OPTN: variants seen among roughly 807,000 people sequenced by gnomAD.
OPTN encodes the protein E3-14.7K-interacting protein.
In OPTN, 54 loss-of-function variants were observed where a neutral mutation model predicts 70.4. The observed-to-expected ratio is 0.77, with a 90% CI of 0.62 to 0.96. OPTN has a LOEUF of 0.96. OPTN is among the 40% of genes least tolerant of loss of function. OPTN has a pLI of 0.00. For missense variants in OPTN, 624 were observed against 673.2 expected (o/e 0.93, Z 0.81); for synonymous variants, 256 against 248.5 (o/e 1.03, Z -0.28).
intron 11 of OPTN, among the ~76,000 whole-genome samples, chr10:13,127,371 A>T (rs1177379807): frequency 6.6e-6 from 1 of 152,240 alleles, no homozygotes; most frequent in Non-Finnish European, 1.5e-5. Flanking sequence ...GTGGCAAAAT[A>T]ACAGTATCAA....
At chr10:13,113,414 T>C (rs1307448346) in intron 5 of OPTN, among the ~76,000 whole-genome samples, 1 of 152,224 alleles carries the variant, frequency 6.6e-6, no homozygotes, top group Non-Finnish European at 1.5e-5. Flanking sequence ...AGAACTGCTC[T>C]GGTTGTAGGT....
At chr10:13,117,603 G>A (rs575416353) in intron 6 of OPTN, among the ~76,000 whole-genome samples, 178 of 151,904 alleles carry the variant, frequency 1.2e-3, no homozygotes, top group Admixed American at 3.1e-3. Context: ...CCGCCACCAC[G>A]CCCAGCTAAC....
Position 13,135,323 on chromosome 10 carries a change from T to C in OPTN, c.1613-1422T>C, listed in dbSNP as rs575180273. On this transcript the variant is annotated intron_variant, in intron 14 of 14. Transcript: ENST00000378747. Reference sequence around the variant, plus strand: ...AGGGCTTATTTCGAACATGCTCTGATTGAGGCTTGAACCTCAGTACTACTC... The same window carrying C: ...AGGGCTTATTTCGAACATGCTCTGACTGAGGCTTGAACCTCAGTACTACTC... 3.3e-5 allele frequency among the ~76,000 whole-genome samples: 5 copies of C among 152,248 alleles called. No individual in the cohort carries two copies. The South Asian group carries it at 6.2e-4, about 19-fold the overall frequency.
In OPTN at chr10:13,126,902, C is replaced by T. The variant is rs969868588; in HGVS notation, c.1243-843C>T. Among the ~76,000 whole-genome samples the T allele has an allele frequency of 7.9e-5, 12 of 152,172 alleles. No homozygotes were observed. In the South Asian group the frequency reaches 1.0e-3, roughly 13 times the overall value. ...TAACCAAGTGTGATGTTCGTGCCTG[C>T]GGTCCCAGCTCCTTGGGAGGCTGAG... is the stretch of plus-strand genomic sequence containing the variant. On this transcript the variant is annotated intron_variant, in intron 11 of 14. Coordinates refer to ENST00000378747, the MANE Select transcript of OPTN (RefSeq NM_001008212.2).
At chr10:13,103,224 ATGT>A (rs1432290311) in intron 1 of OPTN, among the ~76,000 whole-genome samples, 1 of 152,158 alleles carries the variant, frequency 6.6e-6, no homozygotes, top group Admixed American at 6.5e-5. Flanking sequence ...AGTCAATGCA[ATGT>A]TAGAATCTTA....
Position 13,114,784 on chromosome 10 carries a change from AAT to A in OPTN, c.553-1482_553-1481del, listed in dbSNP as rs1564358674. On this transcript the variant is annotated intron_variant, in intron 5 of 14. Coordinates refer to ENST00000378747, the MANE Select transcript of OPTN (RefSeq NM_001008212.2). ...TGCATATATAATTATATAATTATAT[AAT>A]TATATAATTATATATACATATATAT... Among the ~76,000 whole-genome samples the A allele has an allele frequency of 2.0e-3, 213 of 104,654 alleles. 3 individuals are homozygous for A. Among genetic ancestry groups the A allele is most frequent in the African/African-American group, 7.6e-3 (202 of 26,686 alleles). 68.7% of individuals were successfully genotyped at this position (104,654 alleles called of 152,430 possible).
chr10:13,125,312 T>C (rs1833434403), intron 9 of OPTN, 106 bp from the exon 10 acceptor site: 1 of 1,242,568 alleles, frequency 8.0e-7, no homozygotes, highest in Admixed American at 1.8e-5. Context: ...TCATAAACCC[T>C]ACAGCCCTAA....
At position 13,112,598 on chromosome 10, in the gene OPTN, G is replaced by A; in HGVS notation, c.515G>A (p.Gly172Asp). ...CTGCAGCTCAAGCTGAACTCCAGCG[G>A]CTCCTCAGAAGATTCCTTTGTTGAA... ...SELQLKLNSSGSSEDSFVEIR... is the reference protein window; with the variant it reads ...SELQLKLNSSDSSEDSFVEIR... Residue 172 changes from glycine to aspartate, a missense_variant, in exon 5 of 15, where the codon GGC (glycine) becomes GAC (aspartate). Physicochemically the swap from Gly to Asp is moderately conservative, Grantham distance 94 (BLOSUM62 -1). Coordinates refer to ENST00000378747, the MANE Select transcript of OPTN (RefSeq NM_001008212.2). 1 of 1,614,158 alleles carries A rather than the reference G, an allele frequency of 6.2e-7. No individual in the cohort carries two copies. The highest frequency in any genetic ancestry group is 8.5e-7 in the Non-Finnish European group (1 of 1,180,026).
chr10:13,112,860 C>CT (rs879481828), intron 5 of OPTN, among the ~76,000 whole-genome samples: 34 of 146,344 alleles, frequency 2.3e-4, no homozygotes, highest in South Asian at 1.3e-3. Flanking sequence ...AAGCTGTAGT[C>CT]TTTTTTTTTT....
Position 13,109,276 on chromosome 10 carries a change from C to T in OPTN, c.154C>T (p.His52Tyr), listed in dbSNP as rs766091193. The change falls in exon 3 of 15, where the codon CAC (histidine) becomes TAC (tyrosine). Residue 52 changes from histidine to tyrosine, a missense_variant. Transcript: ENST00000378747. ...QQMKELLTEN[H>Y]QLKEAMKLNN... ...GATGAAAGAGCTCCTGACCGAGAAC[C>T]ACCAGCTGAAAGGTGAGCAGGGCTG... 1.9e-6 allele frequency: 3 copies of T among 1,613,878 alleles called. No homozygotes were observed. Among genetic ancestry groups the T allele is most frequent in the East Asian group, 4.5e-5 (2 of 44,888 alleles).
At chr10:13,105,908 G>C (rs1386748186) in intron 1 of OPTN, among the ~76,000 whole-genome samples, 1 of 133,910 alleles carries the variant, frequency 7.5e-6, no homozygotes, top group Non-Finnish European at 1.6e-5. Flanking sequence ...GACTCTGTCT[G>C]AAAAAAAAAA....
intron 12 of OPTN, among the ~76,000 whole-genome samples, chr10:13,129,932 G>A (rs1833557396): frequency 6.6e-6 from 1 of 152,150 alleles, no homozygotes; most frequent in Admixed American, 6.5e-5. Flanking sequence ...TATAGCTTTA[G>A]TTTTATTTCT....
chr10:13,133,114 CTGTGTT>C (rs2131529794), intron 13 of OPTN, among the ~76,000 whole-genome samples: 1 of 152,272 alleles, frequency 6.6e-6, no homozygotes, highest in East Asian at 1.9e-4. Flanking sequence ...ATTGATTTCT[CTGTGTT>C]TAAGTTACAA....
chr10:13,126,525 C>T (rs1157214556), intron 11 of OPTN, among the ~76,000 whole-genome samples: 2 of 152,072 alleles, frequency 1.3e-5, no homozygotes, highest in African/African-American at 4.8e-5. Context: ...CGTGATCCAC[C>T]CGCCTCGGCC....
chr10:13,135,036 T>C lies in OPTN; in HGVS notation c.1612+1455T>C, dbSNP rs576669624. On this transcript the variant is annotated intron_variant, in intron 14 of 14. Transcript: ENST00000378747. Reference sequence around the variant, plus strand: ...ATGCTTTATGATCAATACATACCTCTTCAGAAATGCTTCTTAAGGCTGCTG... The same window carrying C: ...ATGCTTTATGATCAATACATACCTCCTCAGAAATGCTTCTTAAGGCTGCTG... 1.4e-3 allele frequency among the ~76,000 whole-genome samples: 218 copies of C among 152,296 alleles called. 1 individual carries two copies. The highest frequency in any genetic ancestry group is 5.0e-3 in the South Asian group (24 of 4,822).
chr10:13,109,569 T>C (rs1832947880), intron 3 of OPTN: 4 of 400,980 alleles, frequency 1.0e-5, no homozygotes, highest in East Asian at 5.3e-5. Flanking sequence ...CTCATGCCTG[T>C]CATTCCATCA....
In OPTN at chr10:13,133,502, G is replaced by T; in HGVS notation, c.1533G>T (p.Arg511Ser). 6.2e-7 allele frequency: 1 copy of T among 1,613,916 alleles called. No homozygotes were observed. The highest frequency in any genetic ancestry group is 1.1e-5 in the South Asian group (1 of 91,054). The change falls in exon 14 of 15, where the codon AGG becomes AGT. Residue 511 changes from arginine to serine, a missense_variant and splice_region_variant. By Grantham distance (110) the Arg-to-Ser change is moderately radical (BLOSUM62 -1). Coordinates refer to ENST00000378747, the MANE Select transcript of OPTN (RefSeq NM_001008212.2). Reference sequence around the variant, plus strand: ...AGCGTGTTGCTTTTCGTCCTGGCAGGCAGTCCTTGATGGAGATGCAGAGTC... The same window carrying T: ...AGCGTGTTGCTTTTCGTCCTGGCAGTCAGTCCTTGATGGAGATGCAGAGTC... ...KENDAFEDGG[R>S]QSLMEMQSRH...
intron 6 of OPTN, among the ~76,000 whole-genome samples, chr10:13,117,261 T>C (rs1166041881): frequency 6.6e-6 from 1 of 151,310 alleles, no homozygotes; most frequent in Non-Finnish European, 1.5e-5. Flanking sequence ...TTTGTATTTT[T>C]AGTAGAGATG....
chr10:13,104,755 C>T (rs1564352216), intron 1 of OPTN: 4 of 655,868 alleles, frequency 6.1e-6, no homozygotes, highest in African/African-American at 1.8e-5. Flanking sequence ...ATGATAACTT[C>T]TTGTCCATAA....
Sources: gnomAD v4.1 joint callset for allele counts (sites outside exome capture counted in the v4.1 genomes callset) on GRCh38, gnomAD v4.1.1 for gene constraint, MANE v1.5 for transcripts, NCBI Gene and HGNC (gene_info 2026-07-23, HGNC 2026-07-21) for gene names.